Variants in PLCB2 observed in about 807,000 individuals in gnomAD.
PLCB2 encodes the protein phospholipase C beta 2.
In PLCB2, 115 loss-of-function variants were observed where a neutral mutation model predicts 141.7. The observed-to-expected ratio is 0.81, with a 90% CI of 0.70 to 0.95. The LOEUF (loss-of-function observed/expected upper bound fraction) is 0.95, where lower values mean the gene tolerates loss of function less well. Ranked by LOEUF, PLCB2 falls within the 40% of genes least tolerant of loss-of-function variation. The pLI is 0.00. For missense variants in PLCB2, 1,403 were observed against 1,541.1 expected (o/e 0.91, Z 1.50); for synonymous variants, 603 against 595.6 (o/e 1.01, Z -0.18).
At chr15:40,290,549 A>C (rs753381950) in intron 29 of PLCB2, 28 bp downstream of exon 29, 2 of 1,555,242 alleles carry the variant, frequency 1.3e-6, no homozygotes, top group Non-Finnish European at 1.8e-6. Context: ...GGGTCTGCCC[A>C]GCCCTGGGCC....
intron 17 of PLCB2, 58 bp downstream of exon 17, chr15:40,295,142 GC>G: frequency 6.2e-7 from 1 of 1,609,432 alleles, no homozygotes; most frequent in Non-Finnish European, 8.5e-7. Context: ...CTGTCCCCAG[GC>G]CCTCCTCTGG....
rs201270122 is a variant in PLCB2 at position 40,290,766 on chromosome 15, C to A, written c.3108G>T (p.Ser1036=). 1.2e-6 allele frequency: 2 copies of A among 1,613,658 alleles called. No individual in the cohort carries two copies. Among genetic ancestry groups the A allele is most frequent in the Admixed American group, 1.7e-5 (1 of 59,996 alleles). Residue 1036 remains serine (S), a synonymous_variant, in exon 28 of 32, where the codon TCG becomes TCT. Transcript: ENST00000260402. ...TGGGAGGGAGGCAGTCGTACTTCTC[C>A]GACGTCTCCTTCAGGGCCTTCAGCT... ...AAELKALKET[S]ENDTKEMKKK...
chr15:40,298,323 C>A lies in PLCB2; in HGVS notation c.1055G>T (p.Gly352Val). 1 of 1,607,230 alleles carries A rather than the reference C, an allele frequency of 6.2e-7. No homozygotes were observed. ...AEMYRQVLLS[G>V]CRCVELDCWK... Reference sequence around the variant, plus strand: ...GCAGTCTAGCTCCACGCAACGGCAGCCAGAGAGCAGCACCTGGCGGTACAT... The same window carrying A: ...GCAGTCTAGCTCCACGCAACGGCAGACAGAGAGCAGCACCTGGCGGTACAT... The change falls in exon 11 of 32, where the codon GGC becomes GTC. Residue 352 changes from glycine (G) to valine (V), a missense_variant. This residue lies in a region of PLCB2 where 975 missense variants were observed against 1,141.1 expected (regional missense o/e 0.85). Transcript: ENST00000260402.
intron 13 of PLCB2, 51 bp from the exon 14 acceptor site, chr15:40,296,959 C>A: frequency 1.9e-6 from 3 of 1,592,586 alleles, no homozygotes; most frequent in Non-Finnish European, 2.6e-6. Flanking sequence ...CATGGCATAG[C>A]CTGAGCTCCT....
rs752602603 is a variant in PLCB2 at position 40,302,527 on chromosome 15, G to A, written c.314C>T (p.Pro105Leu). The A allele has an allele frequency of 4.5e-5, 73 of 1,614,082 alleles. No individual in the cohort carries two copies. Among genetic ancestry groups the A allele is most frequent in the African/African-American group, 1.1e-4 (8 of 74,946 alleles). The part of the protein sequence containing the change: ...LLKTLTVVSG[P>L]DMVDLTFHNF... Reference sequence around the variant, plus strand: ...GTGGAAGGTGAGGTCCACCATGTCCGGGCCGGACACCACCGTGAGTGTCTT... The same window carrying A: ...GTGGAAGGTGAGGTCCACCATGTCCAGGCCGGACACCACCGTGAGTGTCTT... The change falls in exon 4 of 32, where the codon CCG (proline) becomes CTG (leucine). Residue 105 changes from proline to leucine, a missense_variant. Around this residue, in one of 4 missense-constraint regions of PLCB2, gnomAD observed 975 missense variants for 1,141.1 expected, o/e 0.85. Transcript: ENST00000260402.
intron 1 of PLCB2, 58 bp from the exon 2 acceptor site, chr15:40,304,136 C>A: frequency 2.5e-6 from 3 of 1,216,512 alleles, no homozygotes; most frequent in South Asian, 2.6e-5. Context: ...CCTCCCTGGT[C>A]CAGGCCAGGG....
intron 1 of PLCB2, among the ~76,000 whole-genome samples, chr15:40,305,283 C>T (rs1292232494): frequency 1.3e-5 from 2 of 151,660 alleles, no homozygotes; most frequent in Non-Finnish European, 2.9e-5. Flanking sequence ...ACCTGTCAAC[C>T]TGTCATCTAG....
rs1566876787 is a variant in PLCB2 at position 40,293,552 on chromosome 15, GC to G, written c.2226+7del. 6.2e-7 allele frequency: 1 copy of G among 1,612,852 alleles called. No homozygotes were observed. Among genetic ancestry groups the G allele is most frequent in the Admixed American group, 1.7e-5 (1 of 60,000 alleles). ...ACAGACTCTGCCCTGCCATGCCCTG[GC>G]CCCCACCTTCTCAAAGACAAAGGGC... On this transcript the variant is annotated splice_region_variant and intron_variant, in intron 20 of 31. Transcript: ENST00000260402.
Position 40,291,879 on chromosome 15 carries a change from C to T in PLCB2, c.2572G>A (p.Ala858Thr). The T allele has an allele frequency of 6.2e-7, 1 of 1,614,196 alleles. No homozygotes were observed. The highest frequency in any genetic ancestry group is 8.5e-7 in the Non-Finnish European group (1 of 1,180,002). ...GACCCATTGCTCGTTGGGGCCAACG[C>T]CCCATTGACCTGGCTGGCAACTGGA... ...ASPVASQVNG[A>T]LAPTSNGSPA... The change falls in exon 24 of 32, where the codon GCG (alanine) becomes ACG (threonine). Residue 858 changes from alanine (A) to threonine (T), a missense_variant. Ala to Thr is a moderately conservative substitution (Grantham distance 58). This residue lies in a region of PLCB2 where 975 missense variants were observed against 1,141.1 expected (regional missense o/e 0.85). Transcript: ENST00000260402.
At chr15:40,284,304 T>A (rs1002304895), downstream of PLCB2, 1 of 329,054 alleles carries the variant, frequency 3.0e-6, no homozygotes, top group Non-Finnish European at 6.0e-6. Flanking sequence ...GCACATTTTG[T>A]TGCCGGCAGC....
At position 40,296,677 on chromosome 15, in the gene PLCB2, C is replaced by T. The variant is rs377601338; in HGVS notation, c.1487-43G>A. ...GTCGGCACTGGCTCCTGCATGGCTC[C>T]TCCAGGTCCAGCCCCTCTCCTGTTC... On this transcript the variant is annotated intron_variant, in intron 14 of 31. Coordinates refer to ENST00000260402, the MANE Select transcript of PLCB2 (RefSeq NM_004573.3). The T allele has an allele frequency of 2.5e-5, 40 of 1,611,536 alleles. No individual in the cohort carries two copies. In the African/African-American group the frequency reaches 4.0e-4, roughly 16 times the overall value.
intron 2 of PLCB2, 65 bp downstream of exon 2, chr15:40,303,936 A>T: frequency 8.6e-7 from 1 of 1,158,846 alleles, no homozygotes; most frequent in Non-Finnish European, 1.3e-6. Context: ...TGGTGCAGCC[A>T]GGGGGCTGTC....
chr15:40,285,325 C>T (rs190138844), downstream of PLCB2: 43 of 163,126 alleles, frequency 2.6e-4, no homozygotes, highest in East Asian at 5.9e-3. Flanking sequence ...CTGACATCAG[C>T]GTTAAGTCCC....
chr15:40,298,072 C>T (rs1425130055), intron 11 of PLCB2, 113 bp from the exon 12 acceptor site: 1 of 1,139,356 alleles, frequency 8.8e-7, no homozygotes, highest in Non-Finnish European at 1.3e-6. Flanking sequence ...TGCATGGCCG[C>T]CATTGGCCCC....
intron 7 of PLCB2, among the ~76,000 whole-genome samples, chr15:40,299,663 C>T (rs1296059208): frequency 6.6e-6 from 1 of 152,006 alleles, no homozygotes; most frequent in East Asian, 1.9e-4. Context: ...GAAAGGAGGA[C>T]AATTCAACAA....
Position 40,302,273 on chromosome 15 carries a change from T to G in PLCB2, c.449A>C (p.Lys150Thr). 2 of 1,614,176 alleles carry G rather than the reference T, an allele frequency of 1.2e-6. No individual in the cohort carries two copies. Among genetic ancestry groups the G allele is most frequent in the South Asian group, 1.1e-5 (1 of 91,078 alleles). ...AGGCCAGGCAGAGGGCACTTACATCTTGTCCAGGAAGGTGCTGCGGGAGGC... is the reference window on the plus strand; with the variant it reads ...AGGCCAGGCAGAGGGCACTTACATCGTGTCCAGGAAGGTGCTGCGGGAGGC... ...ANASRSTFLDKILVKLKMQLN... is the reference protein window; with the variant it reads ...ANASRSTFLDTILVKLKMQLN... Residue 150 changes from lysine (K) to threonine (T), a missense_variant, in exon 5 of 32, where the codon AAG becomes ACG. By Grantham distance (78) the Lys-to-Thr change is moderately conservative (BLOSUM62 -1). Transcript: ENST00000260402.
At chr15:40,290,141 C>G (rs1395617379) in intron 29 of PLCB2, 59 bp from the exon 30 acceptor site, 2 of 1,060,518 alleles carry the variant, frequency 1.9e-6, no homozygotes, top group African/African-American at 1.5e-5. Flanking sequence ...AGTAGGGTAA[C>G]ATGAAGTCTA....
At position 40,297,971 on chromosome 15, in the gene PLCB2, G is replaced by A. The variant is rs774821479; in HGVS notation, c.1156-12C>T. The A allele has an allele frequency of 3.8e-6, 6 of 1,574,650 alleles. No individual in the cohort carries two copies. In the East Asian group the frequency reaches 1.1e-4, roughly 29 times the overall value. On this transcript the variant is annotated splice_polypyrimidine_tract_variant and intron_variant, in intron 11 of 31. Transcript: ENST00000260402. The surrounding 1 kb of genome is among the most constrained non-coding windows in gnomAD (Gnocchi z 4.2). ...GCCTCAATTGCTTCCTGGAGGAGAA[G>A]GAGACTCCATGAACAGAAGGTCAGC...
At position 40,301,591 on chromosome 15, in the gene PLCB2, C is replaced by T. The variant is rs533745763; in HGVS notation, c.582+366G>A. The T allele has an allele frequency of 6.4e-5, 45 of 703,018 alleles. No homozygotes were observed. In the East Asian group the frequency reaches 8.0e-4, roughly 13 times the overall value. 43.5% of individuals were successfully genotyped at this position (703,018 alleles called of 1,614,324 possible). On this transcript the variant is annotated intron_variant, in intron 7 of 31. Transcript: ENST00000260402. ...CAGACTGCCGCCTGCCACTGCCGACCTTATCTCGCTCCTCCAGGCTGAAAA... is the reference window on the plus strand; with the variant it reads ...CAGACTGCCGCCTGCCACTGCCGACTTTATCTCGCTCCTCCAGGCTGAAAA...
Sources: gnomAD v4.1 joint callset for allele counts (sites outside exome capture counted in the v4.1 genomes callset) on GRCh38, gnomAD v4.1.1 for gene constraint, gnomAD v4.1.1 regional missense constraint, Gnocchi (gnomAD v3.1) non-coding constraint, MANE v1.5 for transcripts, NCBI Gene and HGNC (gene_info 2026-07-23, HGNC 2026-07-21) for gene names.